Variants in EYS observed in about 807,000 individuals in gnomAD.
The protein encoded by EYS is EGF-like photoreceptor maintenance factor, also known as protein eyes shut homolog.
EYS carries 250 observed loss-of-function variants against 282.1 expected under a neutral mutation model. That is an observed-to-expected ratio of 0.89 (90% CI 0.80 to 0.98). The LOEUF (loss-of-function observed/expected upper bound fraction) is 0.98. EYS is among the 50% of genes least tolerant of loss of function. EYS has a pLI of 0.00. For missense variants in EYS, 4,016 were observed against 3,709.0 expected, an observed-to-expected ratio of 1.08 and a Z score of -2.15; for synonymous variants, 1,355 against 1,282.9, an observed-to-expected ratio of 1.06 and a Z score of -1.20.
At chr6:64,032,931 T>C (rs934941002) in intron 33 of EYS, among the ~76,000 whole-genome samples, 1 of 152,156 alleles carries the variant, frequency 6.6e-6, no homozygotes, top group East Asian at 1.9e-4. Flanking sequence ...GAGTAAATCA[T>C]TGGCCAGTGG....
chr6:65,523,227 T>A (rs2127300070), intron 2 of EYS, among the ~76,000 whole-genome samples: 1 of 152,194 alleles, frequency 6.6e-6, no homozygotes, highest in African/African-American at 2.4e-5. Flanking sequence ...CCACAACATA[T>A]ACATACCTCA....
intron 5 of EYS, among the ~76,000 whole-genome samples, chr6:65,439,327 CA>C (rs1768209142): frequency 6.6e-6 from 1 of 151,928 alleles, no homozygotes; most frequent in South Asian, 2.1e-4. Context: ...CTTGGCAATG[CA>C]GGCTCTTTTT....
intron 40 of EYS, among the ~76,000 whole-genome samples, chr6:63,766,037 T>A (rs1242211449): frequency 1.3e-5 from 2 of 152,022 alleles, no homozygotes; most frequent in African/African-American, 4.8e-5. Flanking sequence ...AACAATAAGC[T>A]CTCTGGTGAC....
chr6:65,054,340 A>T (rs1472662834), intron 13 of EYS, among the ~76,000 whole-genome samples: 1 of 152,024 alleles, frequency 6.6e-6, no homozygotes. Flanking sequence ...ATACTCTTCC[A>T]TCTTCTGGCT....
intron 5 of EYS, among the ~76,000 whole-genome samples, chr6:65,452,279 T>C (rs1376549200): frequency 6.6e-6 from 1 of 151,754 alleles, no homozygotes; most frequent in Non-Finnish European, 1.5e-5. Context: ...ATTTTGATTT[T>C]AATAAAACAT....
chr6:63,901,790 G>T (rs957454969), intron 35 of EYS, among the ~76,000 whole-genome samples: 2 of 152,100 alleles, frequency 1.3e-5, no homozygotes, highest in African/African-American at 4.8e-5. Context: ...TTGAACTTTG[G>T]AATATTTTCA....
At chr6:64,670,447 GAA>G (rs68079769) in intron 22 of EYS, among the ~76,000 whole-genome samples, 23 of 141,250 alleles carry the variant, frequency 1.6e-4, no homozygotes, top group African/African-American at 3.0e-4. Flanking sequence ...ATAAATAAAT[GAA>G]AAAAAAACGT....
At chr6:64,424,041 T>C (rs572492574) in intron 28 of EYS, among the ~76,000 whole-genome samples, 1 of 152,176 alleles carries the variant, frequency 6.6e-6, no homozygotes, top group African/African-American at 2.4e-5. Context: ...ACCATTTGAA[T>C]AAAATTAAGT....
chr6:65,074,053 A>G (rs114871117), intron 12 of EYS, among the ~76,000 whole-genome samples: 354 of 152,142 alleles, frequency 2.3e-3, no homozygotes, highest in Admixed American at 4.9e-3. Flanking sequence ...ATAAGAGTGC[A>G]TTACCTTGTT....
At chr6:64,291,281 A>G (rs1768698515) in intron 30 of EYS, among the ~76,000 whole-genome samples, 1 of 152,048 alleles carries the variant, frequency 6.6e-6, no homozygotes, top group Non-Finnish European at 1.5e-5. Flanking sequence ...CATGAATGCT[A>G]TTATTCCAAA....
intron 29 of EYS, among the ~76,000 whole-genome samples, chr6:64,318,895 A>G (rs1289936947): frequency 6.6e-6 from 1 of 151,814 alleles, no homozygotes; most frequent in Non-Finnish European, 1.5e-5. Flanking sequence ...AGCAATCATT[A>G]TTTCTTTGTT....
At chr6:65,263,238 G>A (rs924035563) in intron 12 of EYS, among the ~76,000 whole-genome samples, 4 of 152,010 alleles carry the variant, frequency 2.6e-5, no homozygotes, top group African/African-American at 9.7e-5. Flanking sequence ...CTACTCAGAA[G>A]GCTGAAGTGG....
intron 12 of EYS, among the ~76,000 whole-genome samples, chr6:65,179,304 T>C (rs1581987109): frequency 6.6e-6 from 1 of 151,218 alleles, no homozygotes; most frequent in Non-Finnish European, 1.5e-5. Flanking sequence ...TCAACAAAAT[T>C]GATAGACCTC....
At chr6:64,013,060 T>G (rs946972427) in intron 33 of EYS, among the ~76,000 whole-genome samples, 1 of 152,102 alleles carries the variant, frequency 6.6e-6, no homozygotes, top group Non-Finnish European at 1.5e-5. Context: ...CAAATACACT[T>G]TATAATAAAT....
At chr6:64,688,608 T>G (rs6905951) in intron 22 of EYS, among the ~76,000 whole-genome samples, 226 of 152,318 alleles carry the variant, frequency 1.5e-3, no homozygotes, top group African/African-American at 4.9e-3. Flanking sequence ...ATAATTTCTG[T>G]TCTTTTGCAT....
intron 5 of EYS, among the ~76,000 whole-genome samples, chr6:65,472,339 C>A (rs552809956): frequency 3.3e-5 from 5 of 151,848 alleles, no homozygotes; most frequent in Non-Finnish European, 7.4e-5. Flanking sequence ...GAAGGCAGTA[C>A]GTTAGGATGA....
chr6:64,533,009 A>G (rs956538361), intron 26 of EYS, among the ~76,000 whole-genome samples: 4 of 152,196 alleles, frequency 2.6e-5, no homozygotes, highest in African/African-American at 9.6e-5. Context: ...GTATGTCAAC[A>G]GAGATTGAAA....
chr6:65,502,555 T>C (rs1766493894), intron 2 of EYS, among the ~76,000 whole-genome samples: 1 of 151,676 alleles, frequency 6.6e-6, no homozygotes, highest in African/African-American at 2.4e-5. Flanking sequence ...TATTAACTAA[T>C]GAATTTTACT....
At chr6:64,310,136 G>A (rs143694852) in intron 29 of EYS, among the ~76,000 whole-genome samples, 21 of 152,032 alleles carry the variant, frequency 1.4e-4, no homozygotes, top group Non-Finnish European at 2.8e-4. Flanking sequence ...CCATTGGTGG[G>A]TGTGTAAATT....
Sources: gnomAD v4.1 joint callset for allele counts (sites outside exome capture counted in the v4.1 genomes callset) on GRCh38, gnomAD v4.1.1 for gene constraint, MANE v1.5 for transcripts, NCBI Gene and HGNC (gene_info 2026-07-23, HGNC 2026-07-21) for gene names.